SGSM1: variants seen among roughly 807,000 people sequenced by gnomAD.
SGSM1 encodes RUN and TBC1 domain containing 2.
In SGSM1, 73 loss-of-function variants were observed where a neutral mutation model predicts 133.8. The observed-to-expected ratio is 0.55, with a 90% confidence interval of 0.45 to 0.66. SGSM1 has a LOEUF of 0.66. Among genes scored for constraint, SGSM1 ranks in the 30% least tolerant of loss-of-function variants. The pLI, the probability that SGSM1 is intolerant of heterozygous loss-of-function variation, is 0.00. For synonymous variants in SGSM1, 563 were observed against 573.0 expected (o/e 0.98, Z 0.25); for missense variants, 1,213 against 1,448.1 (o/e 0.84, Z 2.64).
intron 2 of SGSM1, among the ~76,000 whole-genome samples, chr22:24,840,483 A>G (rs1929724138): frequency 6.6e-6 from 1 of 152,060 alleles, no homozygotes; most frequent in South Asian, 2.1e-4. Flanking sequence ...AGCTGGGATT[A>G]CAGGCATCCA....
chr22:24,874,014 G>GT lies in SGSM1; in HGVS notation c.1292-2562dup, dbSNP rs1931894836. Among the ~76,000 whole-genome samples, 4 of 152,198 alleles carry GT rather than the reference G, an allele frequency of 2.6e-5. No homozygotes were observed. In the South Asian group the frequency reaches 8.3e-4, roughly 32 times the overall value. ...TACTCAGTAGGGACAGCAGTTGTTAGTGGAAAGAGGAGAGGGACTTCAGTC... is the reference window on the plus strand; with the variant it reads ...TACTCAGTAGGGACAGCAGTTGTTAGTTGGAAAGAGGAGAGGGACTTCAGTC... On this transcript the variant is annotated intron_variant, in intron 12 of 24. Coordinates refer to ENST00000400358, the MANE Select transcript of SGSM1 (RefSeq NM_001098497.3).
intron 2 of SGSM1, among the ~76,000 whole-genome samples, chr22:24,818,247 A>G (rs907777950): frequency 6.6e-6 from 1 of 151,650 alleles, no homozygotes; most frequent in Admixed American, 6.6e-5. Context: ...AAAAAAAAAT[A>G]AAATAAAATA....
At chr22:24,912,379 T>A (rs929195583) in intron 21 of SGSM1, among the ~76,000 whole-genome samples, 3 of 152,200 alleles carry the variant, frequency 2.0e-5, no homozygotes, top group Admixed American at 1.3e-4. Context: ...AAAACTTTTC[T>A]GAAAAATAAA....
At chr22:24,806,579 G>A (rs1927402066) in intron 2 of SGSM1, 95 bp downstream of exon 2, 2 of 1,409,628 alleles carry the variant, frequency 1.4e-6, no homozygotes, top group Non-Finnish European at 1.9e-6. Flanking sequence ...TCTGGCGGCG[G>A]GGGGGCGGCC....
intron 23 of SGSM1, among the ~76,000 whole-genome samples, chr22:24,919,510 C>T (rs943953390): frequency 6.6e-6 from 1 of 152,132 alleles, no homozygotes; most frequent in Non-Finnish European, 1.5e-5. Flanking sequence ...AAGGGCAGGG[C>T]AAGGACAGAT....
chr22:24,836,222 G>A (rs1929419350), intron 2 of SGSM1, among the ~76,000 whole-genome samples: 1 of 152,138 alleles, frequency 6.6e-6, no homozygotes, highest in Non-Finnish European at 1.5e-5. Context: ...TTTGCGTCTA[G>A]ATTATTTCAC....
intron 18 of SGSM1, among the ~76,000 whole-genome samples, chr22:24,897,217 T>C (rs919349796): frequency 6.6e-6 from 1 of 151,396 alleles, no homozygotes; most frequent in African/African-American, 2.4e-5. Flanking sequence ...CCATCTCTAA[T>C]AAAAATGCAA....
At chr22:24,836,796 A>C (rs573701180) in intron 2 of SGSM1, among the ~76,000 whole-genome samples, 16 of 152,292 alleles carry the variant, frequency 1.1e-4, no homozygotes, top group African/African-American at 3.9e-4. Context: ...GTTGAGTTGC[A>C]GTTCTCCATA....
intron 16 of SGSM1, among the ~76,000 whole-genome samples, chr22:24,888,633 G>T (rs1458055088): frequency 6.6e-6 from 1 of 152,068 alleles, no homozygotes; most frequent in East Asian, 1.9e-4. Flanking sequence ...ACAAAAATCA[G>T]CTGGGCATGG....
intron 2 of SGSM1, among the ~76,000 whole-genome samples, chr22:24,822,088 C>CTTTTTTTT (rs71320790): frequency 2.1e-5 from 2 of 96,178 alleles, no homozygotes; most frequent in African/African-American, 3.8e-5. Flanking sequence ...TCATCTCTCT[C>CTTTTTTTT]TTTTTTTTTT....
At chr22:24,874,837 A>G (rs1416259151) in intron 12 of SGSM1, among the ~76,000 whole-genome samples, 1 of 152,258 alleles carries the variant, frequency 6.6e-6, no homozygotes, top group Non-Finnish European at 1.5e-5. Context: ...CATGGTTGCC[A>G]TGCTTGGGCT....
Position 24,925,679 on chromosome 22 carries a change from ATGG to A in SGSM1, c.*1412_*1414del, listed in dbSNP as rs1423016994. 6.6e-6 allele frequency: 1 copy of A among 152,134 alleles called. No homozygotes were observed. Among genetic ancestry groups the A allele is most frequent in the Non-Finnish European group, 1.5e-5 (1 of 68,070 alleles). The allele number at this position is 152,134 out of a possible 1,614,324, so 9.4% of individuals were successfully genotyped here. On this transcript the variant is annotated 3_prime_UTR_variant, in exon 25 of 25. Coordinates refer to ENST00000400358, the MANE Select transcript of SGSM1 (RefSeq NM_001098497.3). ...GTGTGTGTTTGGTGAAAGCCACTTAATGGTGGTGGGGTGCAGCTTTTCTCTAAG... is the reference window on the plus strand; with the variant it reads ...GTGTGTGTTTGGTGAAAGCCACTTAATGGTGGGGTGCAGCTTTTCTCTAAG...
intron 9 of SGSM1, among the ~76,000 whole-genome samples, chr22:24,862,202 G>A (rs1931194740): frequency 6.6e-6 from 1 of 151,996 alleles, no homozygotes; most frequent in African/African-American, 2.4e-5. Context: ...CACCCGTCTC[G>A]GCCTCCCAAA....
At chr22:24,887,379 A>C (rs57189931) in intron 16 of SGSM1, among the ~76,000 whole-genome samples, 8,666 of 152,184 alleles carry the variant, frequency 0.057, 801 homozygotes, top group African/African-American at 0.2. Context: ...TTTGGGATTG[A>C]CTTTTTTTCA....
chr22:24,921,410 T>C (rs1480170916), intron 24 of SGSM1, among the ~76,000 whole-genome samples: 1 of 152,172 alleles, frequency 6.6e-6, no homozygotes. Context: ...AGTCATTTTT[T>C]AAAACTACAA....
In SGSM1 at chr22:24,816,379, G is replaced by A. The variant is rs531369951; in HGVS notation, c.63+9895G>A. Among the ~76,000 whole-genome samples the A allele has an allele frequency of 2.0e-5, 3 of 150,866 alleles. No homozygotes were observed. In the East Asian group the frequency reaches 5.9e-4, roughly 30 times the overall value. On this transcript the variant is annotated intron_variant, in intron 2 of 24. Transcript: ENST00000400358. ...ATGATAATAAACATAAACAAAATGA[G>A]AAAGTGAAGCTAAAAAATTGATTTC...
At chr22:24,849,198 G>T (rs1930314228) in intron 4 of SGSM1, among the ~76,000 whole-genome samples, 1 of 151,456 alleles carries the variant, frequency 6.6e-6, no homozygotes. Context: ...ATACAGAAAT[G>T]AAGAGGGCCA....
chr22:24,838,489 G>C (rs1471003827), intron 2 of SGSM1, among the ~76,000 whole-genome samples: 1 of 152,186 alleles, frequency 6.6e-6, no homozygotes, highest in African/African-American at 2.4e-5. Flanking sequence ...TCAGTTCTTT[G>C]ATACTTTTTT....
intron 2 of SGSM1, among the ~76,000 whole-genome samples, chr22:24,837,496 G>A (rs1213331378): frequency 6.6e-6 from 1 of 152,060 alleles, no homozygotes; most frequent in African/African-American, 2.4e-5. Context: ...CCAGATAACT[G>A]CGGGCGAGCC....
Sources: allele counts gnomAD v4.1 joint callset (sites outside exome capture counted in the v4.1 genomes callset), GRCh38; gene constraint gnomAD v4.1.1; transcripts MANE v1.5; gene names NCBI Gene and HGNC (gene_info 2026-07-23, HGNC 2026-07-21).